The following BCHE variants were observed in gnomAD, a reference collection of about 807,000 sequenced individuals.
The protein encoded by BCHE is butyrylcholinesterase.
BCHE carries 48 observed loss-of-function variants against 51.3 expected under a neutral mutation model. The observed-to-expected ratio is 0.94, with a 90% CI of 0.74 to 1.19. The LOEUF (loss-of-function observed/expected upper bound fraction) is 1.19. Among genes scored for constraint, BCHE ranks in the 50% most tolerant of loss-of-function variants. The pLI is 0.00. For synonymous variants in BCHE, 251 were observed against 238.0 expected (o/e 1.05, Z -0.50); for missense variants, 847 against 708.2 (o/e 1.20, Z -2.23).
At chr3:165,801,270 G>A (rs192928055) in intron 2 of BCHE, among the ~76,000 whole-genome samples, 7 of 152,238 alleles carry the variant, frequency 4.6e-5, no homozygotes, top group South Asian at 2.1e-4. Context: ...TGTCCAAGGC[G>A]GATGTGCCAT....
intron 2 of BCHE, among the ~76,000 whole-genome samples, chr3:165,803,068 A>T (rs1297935935): frequency 6.6e-6 from 1 of 152,192 alleles, no homozygotes; most frequent in Non-Finnish European, 1.5e-5. Flanking sequence ...GGAAGAGTAC[A>T]GGAAAAGAGA....
At chr3:165,796,749 C>G (rs1713393251) in intron 2 of BCHE, among the ~76,000 whole-genome samples, 1 of 152,116 alleles carries the variant, frequency 6.6e-6, no homozygotes, top group Non-Finnish European at 1.5e-5. Context: ...AAATACTTCA[C>G]TAAAGTCGTT....
intron 2 of BCHE, among the ~76,000 whole-genome samples, chr3:165,813,138 A>G (rs1027505068): frequency 5.9e-5 from 9 of 151,878 alleles, no homozygotes; most frequent in Non-Finnish European, 1.3e-4. Context: ...ATTTAGCAAG[A>G]GAAGTTGCAA....
intron 2 of BCHE, among the ~76,000 whole-genome samples, chr3:165,792,394 A>T (rs1713204303): frequency 1.3e-5 from 2 of 152,198 alleles, no homozygotes; most frequent in Non-Finnish European, 2.9e-5. Flanking sequence ...TTTGATTATA[A>T]AATACTTCTG....
At chr3:165,833,663 A>C (rs1054246412) in intron 1 of BCHE, among the ~76,000 whole-genome samples, 18 of 152,178 alleles carry the variant, frequency 1.2e-4, no homozygotes, top group Non-Finnish European at 7.4e-5. Context: ...AACATTTCAG[A>C]CATAATCAAA....
At chr3:165,835,033 T>C (rs549589909) in intron 1 of BCHE, among the ~76,000 whole-genome samples, 84 of 152,040 alleles carry the variant, frequency 5.5e-4, no homozygotes, top group African/African-American at 1.9e-3. Flanking sequence ...CAGGAGTTTT[T>C]GTTTGGAATT....
rs1344397627 is a variant in BCHE, at chr3:165,829,514, T to G, written c.1517+3A>C. ...GAGAACAATGACAAAAATCAGCACT[T>G]ACCCATATTTTGCAAAATTTGCCCA... On this transcript the variant is annotated splice_donor_region_variant and intron_variant, in intron 2 of 3. Coordinates refer to ENST00000264381, the MANE Select transcript of BCHE (RefSeq NM_000055.4). The G allele has an allele frequency of 6.2e-7, 1 of 1,610,514 alleles. No individual in the cohort carries two copies. Among genetic ancestry groups the G allele is most frequent in the East Asian group, 2.2e-5 (1 of 44,832 alleles).
intron 2 of BCHE, among the ~76,000 whole-genome samples, chr3:165,795,260 T>G (rs559060740): frequency 6.6e-6 from 1 of 152,322 alleles, no homozygotes; most frequent in African/African-American, 2.4e-5. Flanking sequence ...CTTCATCTGC[T>G]GATGAGGAGT....
In BCHE at chr3:165,777,078, A is replaced by G. The variant is rs117337056; in HGVS notation, c.1685-3572T>C. Among the ~76,000 whole-genome samples the G allele has an allele frequency of 9.4e-4, 143 of 152,040 alleles. 4 individuals are homozygous for G. The East Asian group carries it at 0.024, about 25-fold the overall frequency. On this transcript the variant is annotated intron_variant, in intron 3 of 3. Coordinates refer to ENST00000264381, the MANE Select transcript of BCHE (RefSeq NM_000055.4). The stretch of plus-strand genomic sequence containing the variant: ...CAGGCATGGTAAAAATCAAGGCCAA[A>G]AAATAAATGAGTAAATAAGTATATA...
intron 2 of BCHE, among the ~76,000 whole-genome samples, chr3:165,822,462 A>G (rs1327106017): frequency 6.6e-6 from 1 of 152,078 alleles, no homozygotes; most frequent in African/African-American, 2.4e-5. Flanking sequence ...TTTAATGGCA[A>G]TGAGAGAGTT....
intron 3 of BCHE, among the ~76,000 whole-genome samples, chr3:165,776,486 G>A (rs1159070190): frequency 6.6e-6 from 1 of 151,512 alleles, no homozygotes; most frequent in Admixed American, 6.6e-5. Context: ...TATGAGAAAG[G>A]GAAAAAATAA....
At chr3:165,807,548 T>TTATTTTTA (rs1285818922) in intron 2 of BCHE, among the ~76,000 whole-genome samples, 31 of 150,890 alleles carry the variant, frequency 2.1e-4, no homozygotes, top group Non-Finnish European at 3.5e-4. Flanking sequence ...ATTTATTTAT[T>TTATTTTTA]TTTATTTATT....
intron 2 of BCHE, among the ~76,000 whole-genome samples, chr3:165,814,182 G>A (rs984516530): frequency 6.6e-6 from 1 of 151,888 alleles, no homozygotes; most frequent in African/African-American, 2.4e-5. Context: ...GTCTAGTGCT[G>A]TAAATAGAAT....
chr3:165,813,309 T>C (rs1714178684), intron 2 of BCHE, among the ~76,000 whole-genome samples: 1 of 151,670 alleles, frequency 6.6e-6, no homozygotes, highest in South Asian at 2.1e-4. Flanking sequence ...TTTACTATTT[T>C]ATAATAATCA....
intron 2 of BCHE, among the ~76,000 whole-genome samples, chr3:165,799,351 G>T (rs1576849072): frequency 6.6e-6 from 1 of 151,994 alleles, no homozygotes; most frequent in Non-Finnish European, 1.5e-5. Flanking sequence ...GTGAATTTAG[G>T]TTAAAAATTT....
Position 165,829,977 on chromosome 3 carries a change from C to A in BCHE, c.1057G>T (p.Glu353Ter). 1 of 1,613,756 alleles carries A rather than the reference C, an allele frequency of 6.2e-7. No homozygotes were observed. ...TQILVGVNKD[E>*]GTAFLVYGAP... is the part of the protein sequence containing the mutation. ...CCATAGACTAAAAAAGCTGTCCCTT[C>A]ATCTTTATTAACACCCACCAAAATC... Residue 353 changes from glutamate (E) to a stop codon, truncating the protein, a stop_gained, in exon 2 of 4, where the codon GAA becomes TAA. Coordinates refer to ENST00000264381, the MANE Select transcript of BCHE (RefSeq NM_000055.4). LOFTEE classifies it high-confidence loss of function.
intron 3 of BCHE, among the ~76,000 whole-genome samples, chr3:165,779,572 G>C (rs1227094605): frequency 1.3e-5 from 2 of 152,106 alleles, no homozygotes; most frequent in Non-Finnish European, 2.9e-5. Context: ...AGCAGTCTCA[G>C]TGTACAAAAT....
At chr3:165,781,565 G>A (rs1712699868) in intron 3 of BCHE, among the ~76,000 whole-genome samples, 1 of 151,908 alleles carries the variant, frequency 6.6e-6, no homozygotes, top group Admixed American at 6.6e-5. Flanking sequence ...CACAGGGAGG[G>A]GAACAGTACA....
chr3:165,827,658 C>T (rs1249802619), intron 2 of BCHE, among the ~76,000 whole-genome samples: 1 of 151,900 alleles, frequency 6.6e-6, no homozygotes, highest in Non-Finnish European at 1.5e-5. Flanking sequence ...TTTCAAAAAT[C>T]ATCCTTAAAT....
Sources: gnomAD v4.1 joint callset for allele counts (sites outside exome capture counted in the v4.1 genomes callset) on GRCh38, gnomAD v4.1.1 for gene constraint, MANE v1.5 for transcripts, NCBI Gene and HGNC (gene_info 2026-07-23, HGNC 2026-07-21) for gene names.